The following TENM4 variants were observed in gnomAD, a reference collection of about 807,000 sequenced individuals.
TENM4 encodes teneurin-4.
A neutral mutation model predicts 243.3 loss-of-function variants in TENM4; 82 were observed. The observed-to-expected ratio is 0.34, with a 90% confidence interval of 0.28 to 0.40. TENM4 has a LOEUF of 0.40. TENM4 is among the 10% of genes least tolerant of loss of function. The pLI, the probability that TENM4 is intolerant of heterozygous loss-of-function variation, is 1.00. For synonymous variants in TENM4, 1,412 were observed against 1,456.3 expected (o/e 0.97, Z 0.69); for missense variants, 3,138 against 3,673.3 (o/e 0.85, Z 3.77).
chr11:78,777,831 G>A (rs1331298943), intron 17 of TENM4, among the ~76,000 whole-genome samples: 1 of 152,190 alleles, frequency 6.6e-6, no homozygotes, highest in Non-Finnish European at 1.5e-5. Flanking sequence ...TCCTCAAGGA[G>A]CTTAGAGTCT....
chr11:79,398,762 G>T (rs1180930536), intron 1 of TENM4, among the ~76,000 whole-genome samples: 2 of 33,120 alleles, frequency 6.0e-5, no homozygotes, highest in South Asian at 1.4e-3. Flanking sequence ...AAAAAAAAGA[G>T]TGCCACAGTG....
chr11:78,725,693 C>T (rs1283716214), intron 23 of TENM4, among the ~76,000 whole-genome samples: 1 of 152,152 alleles, frequency 6.6e-6, no homozygotes, highest in Non-Finnish European at 1.5e-5. Flanking sequence ...TCCTATAGAC[C>T]CTCTGAGACT....
intron 19 of TENM4, among the ~76,000 whole-genome samples, chr11:78,754,438 A>G (rs1790558): frequency 0.88 from 133,479 of 152,004 alleles, 59,277 homozygotes; most frequent in African/African-American, 0.93. Context: ...GACATACAGG[A>G]GACGTGTCCC....
chr11:78,732,286 T>C, intron 21 of TENM4, 30 bp downstream of exon 21: 21 of 1,564,910 alleles, frequency 1.3e-5, no homozygotes, highest in Non-Finnish European at 1.8e-5. Flanking sequence ...AATAAAAGCA[T>C]GGTGGAATGC....
intron 2 of TENM4, among the ~76,000 whole-genome samples, chr11:79,236,642 C>T (rs1053799045): frequency 1.3e-5 from 2 of 152,216 alleles, no homozygotes; most frequent in South Asian, 4.1e-4. Flanking sequence ...TATCTGGCCA[C>T]ATCTGCAGCA....
chr11:78,861,891 G>C (rs916715596), intron 10 of TENM4, among the ~76,000 whole-genome samples: 1 of 152,202 alleles, frequency 6.6e-6, no homozygotes, highest in Admixed American at 6.5e-5. Flanking sequence ...AGGTGCAGGA[G>C]AAGGGAACGC....
chr11:79,221,509 C>CA (rs1316669268), intron 2 of TENM4, among the ~76,000 whole-genome samples: 3 of 151,844 alleles, frequency 2.0e-5, no homozygotes, highest in Admixed American at 1.3e-4. Context: ...AACTTCACTG[C>CA]ATACACAGAA....
At chr11:78,807,285 T>C (rs1049899071) in intron 14 of TENM4, among the ~76,000 whole-genome samples, 6 of 152,216 alleles carry the variant, frequency 3.9e-5, no homozygotes, top group African/African-American at 1.4e-4. Context: ...CTGTCTTCCA[T>C]AGTAGTTCTA....
At chr11:78,759,189 T>TC (rs1393091278) in intron 18 of TENM4, among the ~76,000 whole-genome samples, 1 of 152,124 alleles carries the variant, frequency 6.6e-6, no homozygotes, top group Non-Finnish European at 1.5e-5. Flanking sequence ...GTGGCTCCTG[T>TC]CCCAGCTCCC....
At chr11:79,079,736 T>C (rs6592822) in intron 4 of TENM4, among the ~76,000 whole-genome samples, 63,664 of 150,388 alleles carry the variant, frequency 0.42, 13,555 homozygotes, top group Middle Eastern at 0.51. Flanking sequence ...GGCTGAGGCA[T>C]GAGAATTGCT....
At chr11:79,418,714 C>T (rs746594709) in intron 1 of TENM4, among the ~76,000 whole-genome samples, 34 of 152,248 alleles carry the variant, frequency 2.2e-4, no homozygotes, top group Non-Finnish European at 4.6e-4. Context: ...GAGACCCTGC[C>T]TGACTGCCCC....
chr11:78,673,124 T>TG (rs1329900819), intron 30 of TENM4, among the ~76,000 whole-genome samples: 1 of 152,092 alleles, frequency 6.6e-6, no homozygotes, highest in East Asian at 1.9e-4. Flanking sequence ...AAACTCCACC[T>TG]GGACTGCTAG....
chr11:79,067,251 G>C (rs1860287487), intron 5 of TENM4, among the ~76,000 whole-genome samples: 1 of 152,178 alleles, frequency 6.6e-6, no homozygotes, highest in African/African-American at 2.4e-5. Flanking sequence ...ACTCCAATCT[G>C]CCCTCCGATT....
At chr11:78,847,391 G>C (rs908781879) in intron 12 of TENM4, among the ~76,000 whole-genome samples, 19 of 152,340 alleles carry the variant, frequency 1.2e-4, no homozygotes, top group Admixed American at 7.8e-4. Flanking sequence ...TGGGGGTGGG[G>C]ACAGTGGGGA....
chr11:79,405,704 A>AC (rs1292105031), intron 1 of TENM4, among the ~76,000 whole-genome samples: 2 of 152,014 alleles, frequency 1.3e-5, no homozygotes, highest in Non-Finnish European at 2.9e-5. Flanking sequence ...TTTTGAATAG[A>AC]TATACAATAT....
chr11:79,292,922 T>C (rs780689118), intron 2 of TENM4, among the ~76,000 whole-genome samples: 3 of 152,194 alleles, frequency 2.0e-5, no homozygotes, highest in Non-Finnish European at 2.9e-5. Context: ...TTGTTAGTCA[T>C]TCACTTATCA....
At chr11:79,377,062 G>C (rs1193411157) in intron 1 of TENM4, among the ~76,000 whole-genome samples, 1 of 152,192 alleles carries the variant, frequency 6.6e-6, no homozygotes, top group Admixed American at 6.5e-5. Context: ...GAAAGAGGCA[G>C]AGGGAGATTT....
intron 2 of TENM4, among the ~76,000 whole-genome samples, chr11:79,293,211 T>C (rs972144231): frequency 1.3e-5 from 2 of 152,236 alleles, no homozygotes; most frequent in African/African-American, 4.8e-5. Context: ...CACTGAATAA[T>C]TATGAAATCT....
chr11:78,757,093 T>A lies in TENM4; in HGVS notation c.2540-72A>T. The A allele has an allele frequency of 2.1e-6, 3 of 1,429,718 alleles. No homozygotes were observed. In the South Asian group the frequency reaches 4.1e-5, roughly 20 times the overall value. The allele number at this position is 1,429,718 out of a possible 1,614,324, so 88.6% of individuals were successfully genotyped here. A position where few individuals can be genotyped will look rare whatever the true frequency, so the allele number is the denominator to read the frequency against. ...GCCATGTTTATCCAGAATGCCTTAATTCATTTCTTCTCTATTTTTCACTCA... is the reference window on the plus strand; with the variant it reads ...GCCATGTTTATCCAGAATGCCTTAAATCATTTCTTCTCTATTTTTCACTCA... On this transcript the variant is annotated intron_variant, in intron 18 of 33. Transcript: ENST00000278550.
Sources: allele counts gnomAD v4.1 joint callset (sites outside exome capture counted in the v4.1 genomes callset), GRCh38; gene constraint gnomAD v4.1.1; transcripts MANE v1.5; gene names NCBI Gene and HGNC (gene_info 2026-07-23, HGNC 2026-07-21).